ZDHHC5: variants seen among roughly 807,000 people sequenced by gnomAD.
ZDHHC5 encodes the protein palmitoyltransferase ZDHHC5.
Under a neutral mutation model 70.0 loss-of-function variants are expected in ZDHHC5, and 22 were observed. The ratio of observed to expected loss-of-function variants is 0.31; its 90% CI spans 0.22 to 0.45. The LOEUF (loss-of-function observed/expected upper bound fraction) is 0.45. ZDHHC5 is among the 20% of genes least tolerant of loss of function. The probability of loss-of-function intolerance (pLI) is 1.00; values close to 1 mark genes in which losing one functional copy is unlikely to be tolerated. For missense variants in ZDHHC5, 746 were observed against 926.9 expected, an observed-to-expected ratio of 0.80 and a Z score of 2.53; for synonymous variants, 313 against 347.8, an observed-to-expected ratio of 0.90 and a Z score of 1.11.
intron 3 of ZDHHC5, among the ~76,000 whole-genome samples, chr11:57,687,997 C>T (rs1035057514): frequency 4.0e-5 from 6 of 151,866 alleles, no homozygotes; most frequent in Admixed American, 3.3e-4. Context: ...TTTTGAACTC[C>T]TGAGCTCAGG....
rs1946022770 is a variant in ZDHHC5, at chr11:57,672,765, A to G, written c.-326A>G. The G allele has an allele frequency of 1.2e-5, 3 of 245,574 alleles. No homozygotes were observed. The highest frequency in any genetic ancestry group is 1.0e-4 in the East Asian group (1 of 10,048). The allele number at this position is 245,574 out of a possible 1,614,324, so 15.2% of individuals were successfully genotyped here. A position where few individuals can be genotyped will look rare whatever the true frequency, so the allele number is the denominator to read the frequency against. On this transcript the variant is annotated 5_prime_UTR_variant, in exon 2 of 12. Transcript: ENST00000287169. Reference sequence around the variant, plus strand: ...TGACTGTCCATGTTTTCCACCTGCAACCATTTGCATGTGTACAGCCTACTG... The same window carrying G: ...TGACTGTCCATGTTTTCCACCTGCAGCCATTTGCATGTGTACAGCCTACTG...
intron 8 of ZDHHC5, among the ~76,000 whole-genome samples, chr11:57,694,218 C>T (rs1434948626): frequency 6.6e-6 from 1 of 152,116 alleles, no homozygotes; most frequent in Non-Finnish European, 1.5e-5. Context: ...TCTCGAACTT[C>T]TGACCTCAGG....
intron 1 of ZDHHC5, among the ~76,000 whole-genome samples, chr11:57,669,453 A>G (rs772167593): frequency 5.3e-5 from 8 of 152,084 alleles, no homozygotes; most frequent in East Asian, 1.9e-4. Context: ...TGGCATACAT[A>G]TTACTTTTTT....
chr11:57,700,198 C>T lies in ZDHHC5; in HGVS notation c.*167C>T, dbSNP rs545695706. ...CTAAAATGCAGTAGGCTTGGGGAGT[C>T]GGAGAGTTGGGGCCCTGAGACTGGG... On this transcript the variant is annotated 3_prime_UTR_variant, in exon 12 of 12. Coordinates refer to ENST00000287169, the MANE Select transcript of ZDHHC5 (RefSeq NM_015457.3). 115 of 895,482 alleles carry T rather than the reference C, an allele frequency of 1.3e-4. 1 individual carries two copies. In the African/African-American group the frequency reaches 1.5e-3, roughly 12 times the overall value. 55.5% of individuals were successfully genotyped at this position (895,482 alleles called of 1,614,324 possible).
At chr11:57,689,409 G>C (rs190845619) in intron 4 of ZDHHC5, among the ~76,000 whole-genome samples, 1 of 151,442 alleles carries the variant, frequency 6.6e-6, no homozygotes, top group Non-Finnish European at 1.5e-5. Context: ...ACGGAGTCTC[G>C]CTCTGTTGCC....
intron 1 of ZDHHC5, among the ~76,000 whole-genome samples, chr11:57,669,339 A>T (rs1945971865): frequency 6.6e-6 from 1 of 152,260 alleles, no homozygotes; most frequent in African/African-American, 2.4e-5. Flanking sequence ...CTATTTAAGG[A>T]AATACCTGTA....
At chr11:57,670,473 A>G (rs1198404149) in intron 1 of ZDHHC5, among the ~76,000 whole-genome samples, 1 of 152,040 alleles carries the variant, frequency 6.6e-6, no homozygotes, top group African/African-American at 2.4e-5. Context: ...GTGTTTCAAA[A>G]AAAAAAAAAA....
chr11:57,686,336 C>CAA (rs1439664536), intron 3 of ZDHHC5, among the ~76,000 whole-genome samples: 1 of 151,346 alleles, frequency 6.6e-6, no homozygotes, highest in Non-Finnish European at 1.5e-5. Context: ...TTTTTTGAGA[C>CAA]AGAGTCTCAC....
intron 10 of ZDHHC5, among the ~76,000 whole-genome samples, chr11:57,697,774 G>A (rs560486396): frequency 6.8e-5 from 10 of 148,008 alleles, no homozygotes; most frequent in Non-Finnish European, 1.0e-4. Context: ...AGGCTGCAGT[G>A]AGCTGAGCTC....
intron 8 of ZDHHC5, among the ~76,000 whole-genome samples, chr11:57,695,139 G>A (rs561273575): frequency 7.4e-4 from 112 of 152,176 alleles, no homozygotes; most frequent in Admixed American, 1.3e-3. Context: ...GCGCATGCCT[G>A]TAGTCCTAGC....
chr11:57,684,862 TGTAGG>T (rs1161549119), intron 3 of ZDHHC5, among the ~76,000 whole-genome samples: 17 of 152,242 alleles, frequency 1.1e-4, no homozygotes, highest in African/African-American at 3.9e-4. Context: ...TGAAATTCAC[TGTAGG>T]CTTGGCGTGG....
Position 57,672,881 on chromosome 11 carries a change from C to T in ZDHHC5, c.-210C>T. 4 of 513,872 alleles carry T rather than the reference C, an allele frequency of 7.8e-6. No homozygotes were observed. In the South Asian group the frequency reaches 8.6e-5, roughly 11 times the overall value. The allele number at this position is 513,872 out of a possible 1,614,324, so 31.8% of individuals were successfully genotyped here. A position where few individuals can be genotyped will look rare whatever the true frequency, so the allele number is the denominator to read the frequency against. On this transcript the variant is annotated 5_prime_UTR_variant, in exon 2 of 12. Coordinates refer to ENST00000287169, the MANE Select transcript of ZDHHC5 (RefSeq NM_015457.3). ...GAGGTGGTTATTCATCATTTGGAAT[C>T]ACCTTTCCCCCTCCCATGTGCTTTC...
chr11:57,670,151 C>T (rs1401001034), intron 1 of ZDHHC5, among the ~76,000 whole-genome samples: 1 of 152,068 alleles, frequency 6.6e-6, no homozygotes, highest in Non-Finnish European at 1.5e-5. Context: ...CTTTTCTAGT[C>T]TTTGGGATTT....
chr11:57,692,109 T>C (rs984894428), intron 6 of ZDHHC5, among the ~76,000 whole-genome samples: 12 of 152,286 alleles, frequency 7.9e-5, no homozygotes, highest in Admixed American at 3.9e-4. Context: ...CTTTGCCTCC[T>C]GGCTTCAAGC....
chr11:57,689,534 C>T (rs966841590), intron 4 of ZDHHC5, among the ~76,000 whole-genome samples: 7 of 152,214 alleles, frequency 4.6e-5, no homozygotes, highest in East Asian at 1.9e-4. Context: ...CGCGCTACCA[C>T]GCCCGGCTAA....
intron 2 of ZDHHC5, chr11:57,681,586 G>A (rs189057818): frequency 1.3e-5 from 2 of 152,286 alleles, no homozygotes; most frequent in Admixed American, 6.5e-5. Context: ...GCATTCCTAC[G>A]TAGATTCAAA....
Position 57,696,788 on chromosome 11 carries a change from C to A in ZDHHC5, c.1037C>A (p.Pro346His). The A allele has an allele frequency of 2.5e-6, 4 of 1,614,030 alleles. No homozygotes were observed. The highest frequency in any genetic ancestry group is 3.4e-6 in the Non-Finnish European group (4 of 1,179,898). Residue 346 changes from proline (P) to histidine (H), a missense_variant, in exon 10 of 12, where the codon CCC becomes CAC. This residue lies in a region of ZDHHC5 where 179 missense variants were observed against 178.4 expected (regional missense o/e 1.00). Coordinates refer to ENST00000287169, the MANE Select transcript of ZDHHC5 (RefSeq NM_015457.3). ...AGTAGCTTATTGGCCAAGGACAGCC[C>A]CCCGACACCTACCATGTACAAGTAT... The part of the protein sequence containing the change: ...EDSSLLAKDS[P>H]PTPTMYKYRP...
intron 2 of ZDHHC5, among the ~76,000 whole-genome samples, chr11:57,678,127 A>C (rs1202790670): frequency 1.3e-5 from 2 of 152,242 alleles, no homozygotes; most frequent in East Asian, 3.8e-4. Context: ...CATGGGCAGA[A>C]TGCATAGACC....
At chr11:57,676,676 G>C (rs1946075546) in intron 2 of ZDHHC5, among the ~76,000 whole-genome samples, 2 of 151,634 alleles carry the variant, frequency 1.3e-5, no homozygotes, top group African/African-American at 4.8e-5. Flanking sequence ...ATAAAAATTA[G>C]GGCTGCTCTG....
Sources: allele counts gnomAD v4.1 joint callset (sites outside exome capture counted in the v4.1 genomes callset), GRCh38; gene constraint gnomAD v4.1.1; regional missense constraint gnomAD v4.1.1; transcripts MANE v1.5; gene names NCBI Gene and HGNC (gene_info 2026-07-23, HGNC 2026-07-21).